Variants in CRPPA observed in about 807,000 individuals in gnomAD.
CRPPA encodes CDP-L-ribitol pyrophosphorylase A, also known as D-ribitol-5-phosphate cytidylyltransferase.
A neutral mutation model predicts 52.0 loss-of-function variants in CRPPA; 43 were observed. The ratio of observed to expected loss-of-function variants is 0.83; its 90% CI spans 0.65 to 1.07. The LOEUF (loss-of-function observed/expected upper bound fraction) is 1.07, where lower values mean the gene tolerates loss of function less well. CRPPA is among the 50% of genes least tolerant of loss of function. The pLI, the probability that CRPPA is intolerant of heterozygous loss-of-function variation, is 0.00. For missense variants in CRPPA, 629 were observed against 551.7 expected (o/e 1.14, Z -1.40); for synonymous variants, 250 against 203.5 (o/e 1.23, Z -1.94).
In CRPPA at chr7:16,298,824, C is replaced by G. The variant is rs573492851; in HGVS notation, c.835+2597G>C. Among the ~76,000 whole-genome samples the G allele has an allele frequency of 2.6e-5, 4 of 152,264 alleles. No homozygotes were observed. The East Asian group carries it at 7.7e-4, about 29-fold the overall frequency. ...TCATCCAATCCACTGAGGTCCTGAACAGAACAAAAAGGCAAAGGAAAGGCA... is the reference window on the plus strand; with the variant it reads ...TCATCCAATCCACTGAGGTCCTGAAGAGAACAAAAAGGCAAAGGAAAGGCA... On this transcript the variant is annotated intron_variant, in intron 5 of 9. Coordinates refer to ENST00000407010, the MANE Select transcript of CRPPA (RefSeq NM_001101426.4).
intron 9 of CRPPA, among the ~76,000 whole-genome samples, chr7:16,131,398 T>C (rs1251118120): frequency 6.6e-6 from 1 of 152,274 alleles, no homozygotes; most frequent in Non-Finnish European, 1.5e-5. Context: ...AAGTCTGAGA[T>C]AGAAATTAGA....
intron 9 of CRPPA, among the ~76,000 whole-genome samples, chr7:16,200,203 T>C (rs1477211037): frequency 6.6e-6 from 1 of 152,198 alleles, no homozygotes; most frequent in East Asian, 1.9e-4. Context: ...CGGACGTTAC[T>C]GCTTTTCTCC....
At chr7:16,178,877 C>T (rs1457093108) in intron 9 of CRPPA, among the ~76,000 whole-genome samples, 2 of 152,010 alleles carry the variant, frequency 1.3e-5, no homozygotes, top group South Asian at 2.1e-4. Context: ...GTGTGAAAAA[C>T]ACTGAGTGCA....
chr7:16,208,532 C>A (rs1350150326), intron 9 of CRPPA, among the ~76,000 whole-genome samples: 2 of 152,130 alleles, frequency 1.3e-5, no homozygotes, highest in Non-Finnish European at 2.9e-5. Context: ...CTCTATGGAA[C>A]CTCCCTTTAT....
At chr7:16,291,688 G>A (rs559518100) in intron 5 of CRPPA, among the ~76,000 whole-genome samples, 13 of 151,832 alleles carry the variant, frequency 8.6e-5, no homozygotes, top group Middle Eastern at 3.4e-3. Flanking sequence ...TTGACTATTC[G>A]TAGTTAACAA....
At chr7:16,232,399 A>G (rs1782824697) in intron 8 of CRPPA, among the ~76,000 whole-genome samples, 1 of 152,156 alleles carries the variant, frequency 6.6e-6, no homozygotes, top group Non-Finnish European at 1.5e-5. Context: ...GACAAAAAGA[A>G]TGAGTTCAGC....
chr7:16,308,654 A>C, intron 3 of CRPPA, 27 bp from the exon 4 acceptor site: 1 of 1,318,952 alleles, frequency 7.6e-7, no homozygotes, highest in Non-Finnish European at 1.1e-6. Context: ...AACAACAACA[A>C]TTAAGCTAAA....
intron 9 of CRPPA, among the ~76,000 whole-genome samples, chr7:16,214,154 A>T (rs534852313): frequency 6.6e-6 from 1 of 152,312 alleles, no homozygotes; most frequent in Middle Eastern, 3.4e-3. Context: ...AGTAAACATC[A>T]AAGGTTTTTT....
intron 5 of CRPPA, 40 bp from the exon 6 acceptor site, chr7:16,278,266 C>T: frequency 9.7e-7 from 1 of 1,029,050 alleles, no homozygotes; most frequent in Admixed American, 2.4e-5. Flanking sequence ...TCAAACAAAA[C>T]ATGTAACAAG....
chr7:16,387,050 T>TATATATATATATATATATAG (rs1787291066), intron 2 of CRPPA, among the ~76,000 whole-genome samples: 1 of 24,458 alleles, frequency 4.1e-5, no homozygotes, highest in Non-Finnish European at 9.8e-5. Context: ...AAAAGATATA[T>TATATATATATATATATATAG]ATATATATAT....
intron 9 of CRPPA, among the ~76,000 whole-genome samples, chr7:16,107,673 GC>G (rs1782184427): frequency 6.6e-6 from 1 of 151,270 alleles, no homozygotes; most frequent in Non-Finnish European, 1.5e-5. Context: ...CTATAAAAAA[GC>G]AAAAAAAATC....
chr7:16,362,279 T>C (rs1416982931), intron 3 of CRPPA, among the ~76,000 whole-genome samples: 2 of 152,188 alleles, frequency 1.3e-5, no homozygotes, highest in African/African-American at 2.4e-5. Context: ...AAGTCCAAGA[T>C]CACTGTGCCA....
intron 9 of CRPPA, among the ~76,000 whole-genome samples, chr7:16,189,374 C>A (rs942847104): frequency 1.3e-5 from 2 of 152,076 alleles, no homozygotes; most frequent in African/African-American, 4.8e-5. Flanking sequence ...AAAAAGTACA[C>A]AAGAAAAATT....
intron 9 of CRPPA, among the ~76,000 whole-genome samples, chr7:16,196,881 T>G (rs535387300): frequency 6.6e-6 from 1 of 152,166 alleles, no homozygotes; most frequent in Non-Finnish European, 1.5e-5. Context: ...TACTAATGTG[T>G]TTTCATAACC....
chr7:16,102,882 T>C (rs143528089), intron 9 of CRPPA, among the ~76,000 whole-genome samples: 5 of 152,186 alleles, frequency 3.3e-5, no homozygotes, highest in Non-Finnish European at 7.3e-5. Context: ...TCAACCATTG[T>C]GGAAGACAGT....
At chr7:16,337,333 G>A (rs1350915659) in intron 3 of CRPPA, among the ~76,000 whole-genome samples, 2 of 152,094 alleles carry the variant, frequency 1.3e-5, no homozygotes, top group African/African-American at 2.4e-5. Flanking sequence ...CTAGACATAT[G>A]TGGAAATTAA....
chr7:16,295,610 ATTTAGAAATTCCACTG>A, intron 5 of CRPPA, among the ~76,000 whole-genome samples: 1 of 152,130 alleles, frequency 6.6e-6, no homozygotes, highest in East Asian at 1.9e-4. Flanking sequence ...GCAATAGTTT[ATTTAGAAATTCCACTG>A]GGGCTTTTCT....
chr7:16,283,059 A>G (rs1784349083), intron 5 of CRPPA, among the ~76,000 whole-genome samples: 2 of 151,922 alleles, frequency 1.3e-5, no homozygotes, highest in South Asian at 4.1e-4. Flanking sequence ...ACTAGCCTAT[A>G]TTTTTGTCCA....
intron 5 of CRPPA, among the ~76,000 whole-genome samples, chr7:16,298,279 C>CAT (rs1784715355): frequency 6.6e-6 from 1 of 152,042 alleles, no homozygotes; most frequent in Non-Finnish European, 1.5e-5. Flanking sequence ...AATTCTAAGA[C>CAT]ATATATAGCC....
Sources: gnomAD v4.1 joint callset for allele counts (sites outside exome capture counted in the v4.1 genomes callset) on GRCh38, gnomAD v4.1.1 for gene constraint, MANE v1.5 for transcripts, NCBI Gene and HGNC (gene_info 2026-07-23, HGNC 2026-07-21) for gene names.